The following ELMOD3 variants were observed in gnomAD, a reference collection of about 807,000 sequenced individuals.
The protein encoded by ELMOD3 is ELMO domain-containing protein 3.
In ELMOD3, 36 loss-of-function variants were observed where a neutral mutation model predicts 47.4. The ratio of observed to expected loss-of-function variants is 0.76; its 90% CI spans 0.58 to 1.00. ELMOD3 has a LOEUF of 1.00. Among genes scored for constraint, ELMOD3 ranks in the 50% least tolerant of loss-of-function variants. The pLI, the probability that ELMOD3 is intolerant of heterozygous loss-of-function variation, is 0.00. For missense variants in ELMOD3, 404 were observed against 463.8 expected (o/e 0.87, Z 1.18); for synonymous variants, 149 against 183.5 (o/e 0.81, Z 1.52).
chr2:85,362,562 C>T (rs1291159411), intron 5 of ELMOD3, among the ~76,000 whole-genome samples: 1 of 152,160 alleles, frequency 6.6e-6, no homozygotes, highest in Non-Finnish European at 1.5e-5. Flanking sequence ...GGTGGACATA[C>T]ACTTGTCCCC....
chr2:85,367,121 T>C (rs1469695826), intron 6 of ELMOD3, among the ~76,000 whole-genome samples: 1 of 152,224 alleles, frequency 6.6e-6, no homozygotes, highest in East Asian at 1.9e-4. Context: ...CAAACATTTG[T>C]TGAGCACCTA....
chr2:85,358,627 A>G (rs868529412), intron 4 of ELMOD3, among the ~76,000 whole-genome samples: 1 of 152,174 alleles, frequency 6.6e-6, no homozygotes, highest in African/African-American at 2.4e-5. Context: ...TTTGGCCTCC[A>G]TCCTTGCATC....
chr2:85,382,521 C>CTTTTTTTT (rs112459154), intron 11 of ELMOD3, among the ~76,000 whole-genome samples: 6,264 of 142,884 alleles, frequency 0.044, 217 homozygotes, highest in Non-Finnish European at 0.062. Flanking sequence ...GTCACAAGGA[C>CTTTTTTTT]TTTTTTTTTT....
Position 85,362,277 on chromosome 2 carries a change from A to ACAAAAGCC in ELMOD3, c.129+18_129+19insAAAAGCCC. On this transcript the variant is annotated intron_variant, in intron 5 of 13. Coordinates refer to ENST00000409013, the MANE Select transcript of ELMOD3 (RefSeq NM_001135022.2). The stretch of plus-strand genomic sequence containing the variant: ...GGAATCCCTGTATGTATCACCCACA[A>ACAAAAGCC]CTTGGTACCTTCTGCCAGGGCTTTT... 1 of 1,462,444 alleles carries ACAAAAGCC rather than the reference A, an allele frequency of 6.8e-7. No individual in the cohort carries two copies. Among genetic ancestry groups the ACAAAAGCC allele is most frequent in the Non-Finnish European group, 9.6e-7 (1 of 1,041,722 alleles). The allele number at this position is 1,462,444 out of a possible 1,614,324, so 90.6% of individuals were successfully genotyped here. A position where few individuals can be genotyped will look rare whatever the true frequency, so the allele number is the denominator to read the frequency against.
intron 5 of ELMOD3, among the ~76,000 whole-genome samples, 173 bp from the exon 6 acceptor site, chr2:85,362,920 AAAAT>A (rs1417491240): frequency 1.3e-5 from 2 of 152,236 alleles, no homozygotes; most frequent in Non-Finnish European, 1.5e-5. Context: ...TCCGTCTCAA[AAAAT>A]AAATAAATAA....
chr2:85,360,409 G>A (rs1037938750), intron 4 of ELMOD3, among the ~76,000 whole-genome samples: 3 of 150,142 alleles, frequency 2.0e-5, no homozygotes, highest in Non-Finnish European at 3.0e-5. Flanking sequence ...GCTGGAGTGC[G>A]GTGGCGTAAT....
At chr2:85,390,064 A>G (rs1311630723) in intron 12 of ELMOD3, 74 bp from the exon 13 acceptor site, 1 of 1,454,904 alleles carries the variant, frequency 6.9e-7, no homozygotes, top group Admixed American at 1.7e-5. Flanking sequence ...GGAAATGGGG[A>G]AGGAAGGCGG....
At chr2:85,375,273 C>A (rs911641112) in intron 10 of ELMOD3, among the ~76,000 whole-genome samples, 1 of 152,216 alleles carries the variant, frequency 6.6e-6, no homozygotes, top group African/African-American at 2.4e-5. Context: ...CAGCTCCACA[C>A]TTTGTCCTCT....
intron 7 of ELMOD3, among the ~76,000 whole-genome samples, chr2:85,369,447 G>C (rs1432766215): frequency 1.3e-5 from 2 of 152,320 alleles, no homozygotes; most frequent in East Asian, 3.9e-4. Context: ...ACCCCAGGCA[G>C]TGACTTGCCC....
intron 5 of ELMOD3, 21 bp downstream of exon 5, chr2:85,362,281 G>C (rs200164897): frequency 4.4e-5 from 62 of 1,423,584 alleles, no homozygotes; most frequent in Non-Finnish European, 5.4e-5. Flanking sequence ...CCCACAACTT[G>C]GTACCTTCTG....
intron 10 of ELMOD3, among the ~76,000 whole-genome samples, chr2:85,373,359 T>A (rs1684937583): frequency 6.6e-6 from 1 of 152,244 alleles, no homozygotes; most frequent in South Asian, 2.1e-4. Context: ...TCATCTATCA[T>A]GTAATTGTCT....
intron 11 of ELMOD3, among the ~76,000 whole-genome samples, chr2:85,381,945 G>A (rs948399577): frequency 1.1e-4 from 16 of 151,350 alleles, no homozygotes; most frequent in Non-Finnish European, 1.6e-4. Flanking sequence ...GTGAAACCCC[G>A]TCTCTACTAA....
intron 10 of ELMOD3, among the ~76,000 whole-genome samples, chr2:85,373,862 A>G (rs1220558828): frequency 1.3e-5 from 2 of 151,006 alleles, no homozygotes; most frequent in Admixed American, 6.6e-5. Context: ...AAAGATAAGA[A>G]AAAGGAAAAT....
At chr2:85,386,974 C>T (rs911019909) in intron 11 of ELMOD3, 5 of 1,170,114 alleles carry the variant, frequency 4.3e-6, no homozygotes, top group African/African-American at 3.2e-5. Flanking sequence ...TGCACTCCAG[C>T]CTGAGCAACA....
chr2:85,390,704 G>A lies in ELMOD3; in HGVS notation c.944-56G>A, dbSNP rs186464898. ...AGCTGCTAGGCTTGAGGCCTTGACT[G>A]TTGTGTCACCCAGAGCCCCCTCAAG... On this transcript the variant is annotated intron_variant, in intron 13 of 13. Transcript: ENST00000409013. 1.8e-4 allele frequency: 280 copies of A among 1,540,278 alleles called. No individual in the cohort carries two copies. In the African/African-American group the frequency reaches 3.4e-3, roughly 19 times the overall value.
At chr2:85,371,343 T>C (rs961510555) in intron 9 of ELMOD3, 97 bp from the exon 10 acceptor site, 6 of 1,598,942 alleles carry the variant, frequency 3.8e-6, no homozygotes, top group African/African-American at 1.3e-5. Flanking sequence ...AGCTGAGAAC[T>C]GGATGTCTCA....
chr2:85,371,543 G>A lies in ELMOD3; in HGVS notation c.588G>A (p.Trp196Ter). The change falls in exon 10 of 14, where the codon TGG (tryptophan) becomes TGA (stop). Residue 196 changes from tryptophan to a stop codon, truncating the protein, a stop_gained. Transcript: ENST00000409013. LOFTEE classifies it high-confidence loss of function. ...ACTGTGCCCTTCATGGAAACCACTG[G>A]GAGGACCTGGGCTTTCAGGGTAAGA... Reference protein sequence around the residue: ...KFDCALHGNHWEDLGFQGANP... With the variant: ...KFDCALHGNH 1 of 1,614,192 alleles carries A rather than the reference G, an allele frequency of 6.2e-7. No homozygotes were observed. Among genetic ancestry groups the A allele is most frequent in the South Asian group, 1.1e-5 (1 of 91,086 alleles).
chr2:85,386,932 G>A (rs758287598), intron 11 of ELMOD3: 1 of 754,838 alleles, frequency 1.3e-6, no homozygotes, highest in African/African-American at 1.9e-5. Context: ...GAACCTGGGA[G>A]GCAGAGGTTG....
At chr2:85,388,964 T>C (rs1217228589) in intron 11 of ELMOD3, among the ~76,000 whole-genome samples, 1 of 152,180 alleles carries the variant, frequency 6.6e-6, no homozygotes, top group African/African-American at 2.4e-5. Context: ...CTTGTGTATG[T>C]GCAACAGGGG....
Sources: allele counts gnomAD v4.1 joint callset (sites outside exome capture counted in the v4.1 genomes callset), GRCh38; gene constraint gnomAD v4.1.1; transcripts MANE v1.5; gene names NCBI Gene and HGNC (gene_info 2026-07-23, HGNC 2026-07-21).